UGT1A10: variants seen among roughly 807,000 people sequenced by gnomAD.
UGT1A10 encodes the protein UDP-glucuronosyltransferase 1A10.
A neutral mutation model predicts 45.8 loss-of-function variants in UGT1A10; 49 were observed. The ratio of observed to expected loss-of-function variants is 1.07; its 90% CI spans 0.85 to 1.36. The LOEUF (loss-of-function observed/expected upper bound fraction) is 1.36. UGT1A10 is among the 40% of genes most tolerant of loss of function. The pLI, the probability that UGT1A10 is intolerant of heterozygous loss-of-function variation, is 0.00. For synonymous variants in UGT1A10, 284 were observed against 249.7 expected (o/e 1.14, Z -1.29); for missense variants, 745 against 668.6 (o/e 1.11, Z -1.26).
At chr2:233,655,084 C>T (rs753508809) in intron 1 of UGT1A10, among the ~76,000 whole-genome samples, 3 of 151,340 alleles carry the variant, frequency 2.0e-5, no homozygotes, top group Non-Finnish European at 4.4e-5. Context: ...GCAAGATTCT[C>T]TCTCAAAAAA....
At chr2:233,663,543 G>A (rs2074015245) in intron 1 of UGT1A10, among the ~76,000 whole-genome samples, 1 of 152,104 alleles carries the variant, frequency 6.6e-6, no homozygotes, top group Non-Finnish European at 1.5e-5. Flanking sequence ...GATCTTAGGA[G>A]TGGTTTAGGG....
At position 233,677,515 on chromosome 2, in the gene UGT1A10, T is replaced by G. The variant is rs1005185371; in HGVS notation, c.855+40138T>G. On this transcript the variant is annotated intron_variant, in intron 1 of 4. Coordinates refer to ENST00000344644, the MANE Select transcript of UGT1A10 (RefSeq NM_019075.4). ...ATGTTATTAGTATTATATCCTGTAT[T>G]ATGACAATGCAGCTAGCTAGAGAAA... is the stretch of plus-strand genomic sequence containing the variant. Among the ~76,000 whole-genome samples, 3 of 152,272 alleles carry G rather than the reference T, an allele frequency of 2.0e-5. No homozygotes were observed. In the East Asian group the frequency reaches 5.8e-4, roughly 29 times the overall value.
At chr2:233,766,917 A>C (rs993857330) in intron 1 of UGT1A10, 117 bp from the exon 2 acceptor site, 136 of 1,547,100 alleles carry the variant, frequency 8.8e-5, no homozygotes, top group Admixed American at 4.9e-4. Flanking sequence ...CTCTATCTCA[A>C]ACACGCATGC....
intron 1 of UGT1A10, chr2:233,721,911 G>T: frequency 2.3e-6 from 1 of 435,688 alleles, no homozygotes; most frequent in Non-Finnish European, 4.6e-6. Context: ...GGTGCACACT[G>T]CTTCCATAAA....
At chr2:233,662,183 C>T (rs12479240) in intron 1 of UGT1A10, among the ~76,000 whole-genome samples, 22,533 of 152,042 alleles carry the variant, frequency 0.15, 1,747 homozygotes, top group Non-Finnish European at 0.18. Flanking sequence ...TGTTTGTGTG[C>T]ATAAGTTTTG....
intron 1 of UGT1A10, among the ~76,000 whole-genome samples, chr2:233,660,539 C>T (rs17868318): frequency 0.039 from 5,895 of 152,242 alleles, 145 homozygotes; most frequent in Non-Finnish European, 0.061. Context: ...GTTGTACTGG[C>T]CTTCTTGTTC....
chr2:233,743,601 C>T (rs201940151), intron 1 of UGT1A10: 28 of 1,367,176 alleles, frequency 2.0e-5, no homozygotes, highest in African/African-American at 4.5e-5. Context: ...GGGTCCTGGC[C>T]GCCGAAGAAC....
rs28900377 is a variant in UGT1A10 at position 233,743,611 on chromosome 2, C to T, written c.856-23423C>T. The T allele has an allele frequency of 3.6e-3, 4,908 of 1,367,342 alleles. 268 individuals are homozygous for T. The African/African-American group carries it at 0.064, about 18-fold the overall frequency. The allele number at this position is 1,367,342 out of a possible 1,614,324, so 84.7% of individuals were successfully genotyped here. The stretch of plus-strand genomic sequence containing the variant: ...AGAATGGGTCCTGGCCGCCGAAGAA[C>T]TCCCTGAAGACGTCGGCTGGGTCGC... On this transcript the variant is annotated intron_variant, in intron 1 of 4. Transcript: ENST00000344644.
intron 1 of UGT1A10, among the ~76,000 whole-genome samples, chr2:233,720,134 A>G (rs562111913): frequency 6.6e-6 from 1 of 152,212 alleles, no homozygotes; most frequent in South Asian, 2.1e-4. Flanking sequence ...ACCACAGGAG[A>G]CCTAGGCACT....
At chr2:233,717,925 A>C (rs1037002174) in intron 1 of UGT1A10, 1 of 454,728 alleles carries the variant, frequency 2.2e-6, no homozygotes, top group Non-Finnish European at 4.4e-6. Flanking sequence ...ATGAATGGAT[A>C]CTTCAGTCTC....
intron 1 of UGT1A10, among the ~76,000 whole-genome samples, chr2:233,752,133 G>T (rs1347949695): frequency 6.6e-6 from 1 of 152,170 alleles, no homozygotes; most frequent in African/African-American, 2.4e-5. Context: ...TGGACAGAAA[G>T]GATCATTCCC....
intron 1 of UGT1A10, among the ~76,000 whole-genome samples, chr2:233,686,742 C>T (rs2074802752): frequency 6.6e-6 from 1 of 152,192 alleles, no homozygotes; most frequent in Non-Finnish European, 1.5e-5. Flanking sequence ...TCTTGCCTTC[C>T]CTAGCCTCAC....
At position 233,641,889 on chromosome 2, in the gene UGT1A10, C is replaced by T. The variant is rs28969982; in HGVS notation, c.855+4512C>T. Among the ~76,000 whole-genome samples, 514 of 152,090 alleles carry T rather than the reference C, an allele frequency of 3.4e-3. 2 individuals are homozygous for T. Among genetic ancestry groups the T allele is most frequent in the African/African-American group, 0.012 (478 of 41,486 alleles). On this transcript the variant is annotated intron_variant, in intron 1 of 4. Transcript: ENST00000344644. Reference sequence around the variant, plus strand: ...GGCTGCTGCCAGATGTATTGGAACTCCATTGTTTGTTATTTATCTCTTCTC... The same window carrying T: ...GGCTGCTGCCAGATGTATTGGAACTTCATTGTTTGTTATTTATCTCTTCTC...
At chr2:233,666,098 C>A (rs2074070846) in intron 1 of UGT1A10, among the ~76,000 whole-genome samples, 1 of 152,250 alleles carries the variant, frequency 6.6e-6, no homozygotes, top group Non-Finnish European at 1.5e-5. Flanking sequence ...TACTTCCACT[C>A]ATGGCAGAAG....
At chr2:233,747,099 C>T (rs1382470135) in intron 1 of UGT1A10, 1 of 1,328,162 alleles carries the variant, frequency 7.5e-7, no homozygotes, top group African/African-American at 1.5e-5. Context: ...ACTCTATCTT[C>T]CAATTACATG....
At chr2:233,657,202 G>A (rs2073874745) in intron 1 of UGT1A10, among the ~76,000 whole-genome samples, 1 of 152,146 alleles carries the variant, frequency 6.6e-6, no homozygotes, top group Non-Finnish European at 1.5e-5. Flanking sequence ...ACCTTTCCTG[G>A]CTCATGGGCT....
At chr2:233,681,849 T>C (rs2074542229) in intron 1 of UGT1A10, 8 of 1,519,206 alleles carry the variant, frequency 5.3e-6, no homozygotes, top group African/African-American at 1.4e-5. Context: ...ACGCCTTCTT[T>C]TGAGGGCAGG....
intron 1 of UGT1A10, among the ~76,000 whole-genome samples, chr2:233,675,998 GAATGGAGAATTCAGA>G (rs2074342378): frequency 6.6e-6 from 1 of 152,208 alleles, no homozygotes; most frequent in Non-Finnish European, 1.5e-5. Flanking sequence ...CAATGGAATA[GAATGGAGAATTCAGA>G]AATAAACCCA....
Position 233,772,306 on chromosome 2 carries a change from G to T in UGT1A10, c.1340G>T (p.Arg447Leu), listed in dbSNP as rs200370335. 9.9e-6 allele frequency: 16 copies of T among 1,614,092 alleles called. No individual in the cohort carries two copies. Among genetic ancestry groups the T allele is most frequent in the South Asian group, 2.2e-5 (2 of 91,084 alleles). ...CGCCTCTCCAGCCTTCACAAGGACC[G>T]CCCGGTGGAGCCGCTGGACCTGGCC... ...IMRLSSLHKD[R>L]PVEPLDLAVF... The change falls in exon 5 of 5, where the codon CGC (arginine) becomes CTC (leucine). Residue 447 changes from arginine (R) to leucine (L), a missense_variant. By Grantham distance (102) the Arg-to-Leu change is moderately radical. Coordinates refer to ENST00000344644, the MANE Select transcript of UGT1A10 (RefSeq NM_019075.4).
Sources: allele counts gnomAD v4.1 joint callset (sites outside exome capture counted in the v4.1 genomes callset), GRCh38; gene constraint gnomAD v4.1.1; transcripts MANE v1.5; gene names NCBI Gene and HGNC (gene_info 2026-07-23, HGNC 2026-07-21).